Variants in THRAP3 observed in about 807,000 individuals in gnomAD.
THRAP3 encodes thyroid hormone receptor associated protein 3, also known as thyroid hormone receptor-associated protein 3.
In THRAP3, 16 loss-of-function variants were observed where a neutral mutation model predicts 101.0. That is an observed-to-expected ratio of 0.16 (90% CI 0.11 to 0.24). The LOEUF is 0.24. Among genes scored for constraint, THRAP3 ranks in the 10% least tolerant of loss-of-function variants. The pLI is 1.00. For missense variants in THRAP3, 989 were observed against 1,202.7 expected, an observed-to-expected ratio of 0.82 and a Z score of 2.63; for synonymous variants, 407 against 422.6, an observed-to-expected ratio of 0.96 and a Z score of 0.45.
In THRAP3 at chr1:36,286,954, C is replaced by A; in HGVS notation, c.724C>A (p.Leu242Met). 1 of 1,614,262 alleles carries A rather than the reference C, an allele frequency of 6.2e-7. No individual in the cohort carries two copies. Residue 242 changes from leucine to methionine, a missense_variant, in exon 4 of 12, where the codon CTG becomes ATG. Coordinates refer to ENST00000354618, the MANE Select transcript of THRAP3 (RefSeq NM_005119.4). The surrounding 1 kb of genome is among the most constrained non-coding windows in gnomAD (Gnocchi z 5.5). ...SASRASAVSE[L>M]SPRERSPALK... ...ATCACGGGCCTCAGCAGTTTCTGAG[C>A]TGAGTCCTCGGGAGCGAAGCCCAGC...
chr1:36,274,705 T>G (rs12028460), intron 2 of THRAP3, among the ~76,000 whole-genome samples: 1 of 139,432 alleles, frequency 7.2e-6, no homozygotes, highest in East Asian at 2.4e-4. Context: ...CGATCTTGTC[T>G]CACTGCAACC....
At chr1:36,291,634 C>T in intron 6 of THRAP3, 88 bp downstream of exon 6, 5 of 1,449,860 alleles carry the variant, frequency 3.4e-6, no homozygotes, top group Non-Finnish European at 4.7e-6. Context: ...TTTGGGGGAC[C>T]TTGTATCTCA....
At chr1:36,262,078 C>CAT (rs1439504858) in intron 2 of THRAP3, among the ~76,000 whole-genome samples, 1 of 152,028 alleles carries the variant, frequency 6.6e-6, no homozygotes. Flanking sequence ...TTAGTAGTCA[C>CAT]ATTTAAAAAA....
chr1:36,272,327 C>T (rs1645602487), intron 2 of THRAP3, among the ~76,000 whole-genome samples: 1 of 152,100 alleles, frequency 6.6e-6, no homozygotes, highest in South Asian at 2.1e-4. Context: ...TTAGTATTTA[C>T]TGATTTACCT....
Position 36,272,986 on chromosome 1 carries a change from G to T in THRAP3, c.-31-9547G>T, listed in dbSNP as rs183714900. The stretch of plus-strand genomic sequence containing the variant: ...ATTTTTAAAATTATTGTTCCTTCTT[G>T]TGAAGAGAATGGAGATTGAAGAGGA... On this transcript the variant is annotated intron_variant, in intron 2 of 11. Coordinates refer to ENST00000354618, the MANE Select transcript of THRAP3 (RefSeq NM_005119.4). Among the ~76,000 whole-genome samples, 31 of 152,306 alleles carry T rather than the reference G, an allele frequency of 2.0e-4. 1 individual carries two copies. Among genetic ancestry groups the T allele is most frequent in the Admixed American group, 1.7e-3 (26 of 15,288 alleles).
At chr1:36,211,167 C>G in the THRAP3 span, among the ~76,000 whole-genome samples, 1 of 151,362 alleles carries the variant, frequency 6.6e-6, no homozygotes, top group Admixed American at 6.6e-5. Context: ...CGAGACCAGC[C>G]TGGAAAGCAT....
At chr1:36,246,483 T>C (rs1265977284) in intron 1 of THRAP3, among the ~76,000 whole-genome samples, 3 of 151,676 alleles carry the variant, frequency 2.0e-5, no homozygotes, top group Non-Finnish European at 4.4e-5. Context: ...TCTCTCCGCC[T>C]TGGCGTCCCA....
chr1:36,211,855 A>G, the THRAP3 span, among the ~76,000 whole-genome samples: 1 of 152,214 alleles, frequency 6.6e-6, no homozygotes, highest in East Asian at 1.9e-4. Flanking sequence ...ATAGAGGGTC[A>G]GACAATGCTG....
intron 3 of THRAP3, among the ~76,000 whole-genome samples, chr1:36,284,325 A>G (rs1291681859): frequency 2.0e-5 from 3 of 152,232 alleles, no homozygotes; most frequent in Non-Finnish European, 4.4e-5. Flanking sequence ...GAGACACTTT[A>G]CATGCTATCA....
intron 11 of THRAP3, among the ~76,000 whole-genome samples, chr1:36,303,266 A>T (rs1273224998): frequency 6.6e-6 from 1 of 151,978 alleles, no homozygotes; most frequent in Admixed American, 6.6e-5. Context: ...ACCCAGCCGC[A>T]TTGCCTCCTT....
intron 9 of THRAP3, among the ~76,000 whole-genome samples, chr1:36,298,558 A>C (rs1452292171): frequency 2.6e-5 from 4 of 152,068 alleles, no homozygotes; most frequent in Admixed American, 1.3e-4. Flanking sequence ...CAGTGGCACG[A>C]TCATAGCTCA....
intron 1 of THRAP3, among the ~76,000 whole-genome samples, chr1:36,249,685 A>AGAGTGTGTGTGT (rs112896222): frequency 2.2e-5 from 3 of 138,114 alleles, no homozygotes; most frequent in Non-Finnish European, 4.7e-5. Flanking sequence ...GCAGGTGGTG[A>AGAGTGTGTGTGT]GTGTGTGTGT....
chr1:36,220,126 T>A (rs1644894733), upstream of THRAP3, among the ~76,000 whole-genome samples: 1 of 152,162 alleles, frequency 6.6e-6, no homozygotes, highest in African/African-American at 2.4e-5. Flanking sequence ...CCTGAGCAGC[T>A]GGGATTACAG....
chr1:36,209,264 C>T, the THRAP3 span, among the ~76,000 whole-genome samples: 70 of 152,198 alleles, frequency 4.6e-4, no homozygotes, highest in African/African-American at 1.5e-3. Context: ...TGGAGTGAGC[C>T]ACTGCATCTG....
chr1:36,242,114 T>C (rs1432674091), intron 1 of THRAP3: 1 of 186,278 alleles, frequency 5.4e-6, no homozygotes, highest in African/African-American at 2.3e-5. Context: ...CTTCTGGGTA[T>C]TTAGGTCTAC....
At chr1:36,220,775 G>A (rs1187458747), upstream of THRAP3, among the ~76,000 whole-genome samples, 6 of 151,430 alleles carry the variant, frequency 4.0e-5, no homozygotes, top group Middle Eastern at 3.4e-3. Context: ...CTAACATGGC[G>A]AAAACCTGTC....
intron 9 of THRAP3, 62 bp from the exon 10 acceptor site, chr1:36,300,824 C>T: frequency 6.5e-7 from 1 of 1,547,302 alleles, no homozygotes; most frequent in Non-Finnish European, 8.9e-7. Context: ...ATCCATGAGG[C>T]CCCAGCCAAG....
At chr1:36,210,103 A>G in the THRAP3 span, among the ~76,000 whole-genome samples, 1 of 152,152 alleles carries the variant, frequency 6.6e-6, no homozygotes, top group Non-Finnish European at 1.5e-5. Flanking sequence ...GCAGTGGCTC[A>G]CGCCTGTAAT....
chr1:36,296,292 A>C (rs928863132), intron 8 of THRAP3, among the ~76,000 whole-genome samples: 2 of 152,030 alleles, frequency 1.3e-5, no homozygotes, highest in Admixed American at 6.6e-5. Context: ...CAACTTCTAA[A>C]CTAGCCAGAG....
Sources: gnomAD v4.1 joint callset for allele counts (sites outside exome capture counted in the v4.1 genomes callset) on GRCh38, gnomAD v4.1.1 for gene constraint, Gnocchi (gnomAD v3.1) non-coding constraint, MANE v1.5 for transcripts, NCBI Gene and HGNC (gene_info 2026-07-23, HGNC 2026-07-21) for gene names.